The following KIAA1549L variants were observed in gnomAD, a reference collection of about 807,000 sequenced individuals.
KIAA1549L encodes UPF0606 protein KIAA1549L.
Under a neutral mutation model 160.7 loss-of-function variants are expected in KIAA1549L, and 88 were observed. The ratio of observed to expected loss-of-function variants is 0.55; its 90% CI spans 0.46 to 0.65. KIAA1549L has a LOEUF of 0.65. KIAA1549L is among the 30% of genes least tolerant of loss of function. KIAA1549L has a pLI of 0.00. For missense variants in KIAA1549L, 2,258 were observed against 2,437.5 expected, an observed-to-expected ratio of 0.93 and a Z score of 1.55; for synonymous variants, 950 against 976.7, an observed-to-expected ratio of 0.97 and a Z score of 0.51.
intron 2 of KIAA1549L, 64 bp downstream of exon 2, chr11:33,544,400 T>A: frequency 1.3e-6 from 2 of 1,518,400 alleles, no homozygotes; most frequent in South Asian, 2.4e-5. Flanking sequence ...ACTGCTTTTG[T>A]GGTCAAAGCA....
intron 13 of KIAA1549L, among the ~76,000 whole-genome samples, chr11:33,602,228 G>A (rs1198840566): frequency 2.0e-5 from 3 of 152,090 alleles, no homozygotes; most frequent in Non-Finnish European, 1.5e-5. Context: ...GGCAGGTGAG[G>A]CAGGCAAAGA....
At chr11:33,432,810 C>T (rs190957949) in intron 1 of KIAA1549L, among the ~76,000 whole-genome samples, 1 of 152,266 alleles carries the variant, frequency 6.6e-6, no homozygotes, top group African/African-American at 2.4e-5. Flanking sequence ...CTTCAAAAAA[C>T]CTGACAAAAA....
In KIAA1549L at chr11:33,402,478, G is replaced by C. The variant is rs570789072; in HGVS notation, c.238+25589G>C. ...CTTCTCCCTCTGTACTTTCGCCTAA[G>C]TCTGTCCTCCAGGGCTCTTTCTAAT... On this transcript the variant is annotated intron_variant, in intron 1 of 20. Coordinates refer to ENST00000658780, the MANE Select transcript of KIAA1549L (RefSeq NM_012194.3). Among the ~76,000 whole-genome samples, 6 of 152,216 alleles carry C rather than the reference G, an allele frequency of 3.9e-5. No individual in the cohort carries two copies. In the South Asian group the frequency reaches 1.2e-3, roughly 32 times the overall value.
Position 33,520,684 on chromosome 11 carries a change from A to AACACACACACAC in KIAA1549L, c.239-21073_239-21062dup, listed in dbSNP as rs60029190. ...TGGTGGACATACACCCCCCACCCCC[A>AACACACACACAC]ACACACACACACACACACACACACA... On this transcript the variant is annotated intron_variant, in intron 1 of 20. Transcript: ENST00000658780. Among the ~76,000 whole-genome samples the AACACACACACAC allele has an allele frequency of 4.5e-3, 383 of 84,790 alleles. 7 individuals are homozygous for AACACACACACAC. The highest frequency in any genetic ancestry group is 7.2e-3 in the African/African-American group (141 of 19,610). 55.6% of individuals were successfully genotyped at this position (84,790 alleles called of 152,430 possible). A position where few individuals can be genotyped will look rare whatever the true frequency, so the allele number is the denominator to read the frequency against.
chr11:33,623,690 G>A lies in KIAA1549L; in HGVS notation c.5409+5028G>A, dbSNP rs1364172344. Among the ~76,000 whole-genome samples the A allele has an allele frequency of 2.6e-5, 4 of 152,168 alleles. No individual in the cohort carries two copies. The South Asian group carries it at 8.3e-4, about 32-fold the overall frequency. Reference sequence around the variant, plus strand: ...CAACCCCAGTGATGGAGGCCACTTGGCGAGTGGGGAGTGGGAGGTGGGATG... The same window carrying A: ...CAACCCCAGTGATGGAGGCCACTTGACGAGTGGGGAGTGGGAGGTGGGATG... On this transcript the variant is annotated intron_variant, in intron 16 of 20. Transcript: ENST00000658780.
chr11:33,652,773 G>A (rs1240474545), intron 17 of KIAA1549L, among the ~76,000 whole-genome samples: 1 of 152,208 alleles, frequency 6.6e-6, no homozygotes, highest in East Asian at 1.9e-4. Flanking sequence ...CCAGGACAAG[G>A]ATTTGCTAAC....
chr11:33,545,149 C>T lies in KIAA1549L; in HGVS notation c.3156C>T (p.Leu1052=), dbSNP rs1216984521. The T allele has an allele frequency of 6.2e-7, 1 of 1,614,004 alleles. No homozygotes were observed. Among genetic ancestry groups the T allele is most frequent in the Admixed American group, 1.7e-5 (1 of 60,028 alleles). ...AACCACAAGCCATGCACACCGGCCT[C>T]CCAAACCCCACCAACCTGGAGATGC... ...PRKPQAMHTG[L]PNPTNLEMPR... The change falls in exon 3 of 21, where the codon CTC becomes CTT. Residue 1052 remains leucine, a synonymous_variant. Transcript: ENST00000658780.
At chr11:33,391,573 C>G (rs1850273897) in intron 1 of KIAA1549L, among the ~76,000 whole-genome samples, 1 of 152,218 alleles carries the variant, frequency 6.6e-6, no homozygotes, top group African/African-American at 2.4e-5. Flanking sequence ...GTCTGATTGG[C>G]TCTTTTCATT....
chr11:33,614,530 A>T (rs117537426), intron 15 of KIAA1549L, among the ~76,000 whole-genome samples: 3 of 8,470 alleles, frequency 3.5e-4, no homozygotes, highest in Non-Finnish European at 5.0e-4. Flanking sequence ...GAGTGTAACA[A>T]GATATATATA....
At chr11:33,430,487 T>G (rs891193308) in intron 1 of KIAA1549L, among the ~76,000 whole-genome samples, 1 of 152,194 alleles carries the variant, frequency 6.6e-6, no homozygotes, top group African/African-American at 2.4e-5. Flanking sequence ...TGATAACTCA[T>G]TAGGTAAGAT....
intron 1 of KIAA1549L, among the ~76,000 whole-genome samples, chr11:33,385,049 G>A (rs933760732): frequency 1.3e-5 from 2 of 151,574 alleles, no homozygotes; most frequent in Admixed American, 6.6e-5. Flanking sequence ...ATTGCCTAAT[G>A]TGTGCCAAGG....
At chr11:33,579,584 C>T (rs1855567417) in intron 10 of KIAA1549L, among the ~76,000 whole-genome samples, 1 of 152,152 alleles carries the variant, frequency 6.6e-6, no homozygotes, top group Non-Finnish European at 1.5e-5. Context: ...ACAGGTGCCC[C>T]AGGACTGGGG....
rs779349085 is a variant in KIAA1549L, at chr11:33,656,108, C to A, written c.5857C>A (p.Arg1953=). ...TGPVAVASLR[R]STSDIGSKTR... Reference sequence around the variant, plus strand: ...TCCTGTGGCTGTCGCTTCTCTCAGGCGGTAACACGTTCCTTTCTTTGTTTT... The same window carrying A: ...TCCTGTGGCTGTCGCTTCTCTCAGGAGGTAACACGTTCCTTTCTTTGTTTT... The change falls in exon 18 of 21, where the codon CGA becomes AGA. Residue 1953 remains arginine, a splice_region_variant and synonymous_variant. Transcript: ENST00000658780. 4 of 1,609,530 alleles carry A rather than the reference C, an allele frequency of 2.5e-6. No individual in the cohort carries two copies. Among genetic ancestry groups the A allele is most frequent in the South Asian group, 1.1e-5 (1 of 90,784 alleles).
At chr11:33,544,368 C>T (rs374441424) in intron 2 of KIAA1549L, 32 bp downstream of exon 2, 173 of 1,605,564 alleles carry the variant, frequency 1.1e-4, no homozygotes, top group Admixed American at 1.3e-4. Context: ...GTTTGTTTCC[C>T]GGTACCCCCA....
rs535855966 is a variant in KIAA1549L, at chr11:33,564,737, G to A, written c.4078+3002G>A. The stretch of plus-strand genomic sequence containing the variant: ...CAGCTCTGCCATTTTCTAACCTAGT[G>A]TGTCCTTGAGCAAGCCACTTGGGCC... On this transcript the variant is annotated intron_variant, in intron 8 of 20. Transcript: ENST00000658780. 2.0e-3 allele frequency among the ~76,000 whole-genome samples: 298 copies of A among 150,768 alleles called. 3 individuals are homozygous for A. Among genetic ancestry groups the A allele is most frequent in the African/African-American group, 7.0e-3 (287 of 41,226 alleles).
At chr11:33,379,760 G>A (rs578018113) in intron 1 of KIAA1549L, among the ~76,000 whole-genome samples, 1 of 152,220 alleles carries the variant, frequency 6.6e-6, no homozygotes, top group Non-Finnish European at 1.5e-5. Flanking sequence ...GATTACACGA[G>A]TTAAAGCATC....
Position 33,656,055 on chromosome 11 carries a change from C to G in KIAA1549L, c.5804C>G (p.Pro1935Arg). 6.2e-7 allele frequency: 1 copy of G among 1,613,898 alleles called. No individual in the cohort carries two copies. Among genetic ancestry groups the G allele is most frequent in the East Asian group, 2.2e-5 (1 of 44,892 alleles). ...SQLPEMVMGS[P>R]PPPVPPRTGP... is the part of the protein sequence containing the mutation. The stretch of plus-strand genomic sequence containing the variant: ...CTTCCTGAGATGGTCATGGGCTCAC[C>G]GCCTCCACCCGTACCTCCCCGGACT... The change falls in exon 18 of 21, where the codon CCG becomes CGG. Residue 1935 changes from proline (P) to arginine (R), a missense_variant. Physicochemically the swap from Pro to Arg is moderately radical, Grantham distance 103. This residue lies in a region of KIAA1549L where 1,359 missense variants were observed against 1,546.6 expected (regional missense o/e 0.88). Coordinates refer to ENST00000658780, the MANE Select transcript of KIAA1549L (RefSeq NM_012194.3).
At chr11:33,450,588 C>A (rs2615909) in intron 1 of KIAA1549L, 35,905 of 148,712 alleles carry the variant, frequency 0.24, 4,512 homozygotes, top group Middle Eastern at 0.33. Context: ...ACAACAACAA[C>A]AAAAAAGAAA....
Position 33,559,789 on chromosome 11 carries a change from T to G in KIAA1549L, c.3896T>G (p.Val1299Gly). ...TSNASQAVTL[V>G]YVVGNQSTFL... is the part of the protein sequence containing the mutation. ...AATGCCTCCCAGGCAGTCACCTTGG[T>G]GTACGTCGTGGGCAATCAGAGCACA... is the stretch of plus-strand genomic sequence containing the variant. Residue 1299 changes from valine (V) to glycine (G), a missense_variant, in exon 7 of 21, where the codon GTG (valine) becomes GGG (glycine). By Grantham distance (109) the Val-to-Gly change is moderately radical. This residue lies in a region of KIAA1549L where 1,359 missense variants were observed against 1,546.6 expected (regional missense o/e 0.88). Coordinates refer to ENST00000658780, the MANE Select transcript of KIAA1549L (RefSeq NM_012194.3). The G allele has an allele frequency of 6.2e-7, 1 of 1,613,992 alleles. No homozygotes were observed. The highest frequency in any genetic ancestry group is 1.3e-5 in the African/African-American group (1 of 75,056).
Sources: allele counts gnomAD v4.1 joint callset (sites outside exome capture counted in the v4.1 genomes callset), GRCh38; gene constraint gnomAD v4.1.1; regional missense constraint gnomAD v4.1.1; transcripts MANE v1.5; gene names NCBI Gene and HGNC (gene_info 2026-07-23, HGNC 2026-07-21).